KIAA1217: variants seen among roughly 807,000 people sequenced by gnomAD.
KIAA1217 encodes the protein sickle tail protein homolog.
A neutral mutation model predicts 163.9 loss-of-function variants in KIAA1217; 88 were observed. The ratio of observed to expected loss-of-function variants is 0.54; its 90% CI spans 0.45 to 0.64. KIAA1217 has a LOEUF of 0.64. KIAA1217 is among the 30% of genes least tolerant of loss of function. The probability of loss-of-function intolerance (pLI) is 0.00; values close to 1 mark genes in which losing one functional copy is unlikely to be tolerated. For missense variants in KIAA1217, 2,372 were observed against 2,475.0 expected (o/e 0.96, Z 0.88); for synonymous variants, 903 against 923.1 (o/e 0.98, Z 0.39).
chr10:24,259,405 G>T (rs748955337), intron 2 of KIAA1217, among the ~76,000 whole-genome samples: 3 of 152,048 alleles, frequency 2.0e-5, no homozygotes, highest in Non-Finnish European at 4.4e-5. Context: ...TTGCGGCCAG[G>T]AGTGCAAAAC....
At chr10:23,841,825 G>C (rs1006805539) in intron 1 of KIAA1217, among the ~76,000 whole-genome samples, 1 of 141,934 alleles carries the variant, frequency 7.0e-6, no homozygotes, top group Non-Finnish European at 1.5e-5. Flanking sequence ...ACACCATTGG[G>C]ACTTTATTTT....
In KIAA1217 at chr10:24,513,300, C is replaced by A. The variant is rs61735603; in HGVS notation, c.2043C>A (p.Ala681=). The A allele has an allele frequency of 5.0e-6, 8 of 1,613,956 alleles. No homozygotes were observed. In the Admixed American group the frequency reaches 1.3e-4, roughly 27 times the overall value. Residue 681 remains alanine (A), a synonymous_variant, in exon 10 of 21, where the codon GCC becomes GCA. Transcript: ENST00000376454. The part of the protein sequence containing the change: ...QELLRAMMKK[A]ELEISGKVME... Reference sequence around the variant, plus strand: ...TGCTGAGGGCAATGATGAAGAAGGCCGAGCTGGAAATCAGTGGCAAAGTGA... The same window carrying A: ...TGCTGAGGGCAATGATGAAGAAGGCAGAGCTGGAAATCAGTGGCAAAGTGA...
chr10:24,345,525 A>G (rs573201183), intron 2 of KIAA1217, among the ~76,000 whole-genome samples: 1 of 152,352 alleles, frequency 6.6e-6, no homozygotes, highest in South Asian at 2.1e-4. Context: ...GAATGAACCT[A>G]AGATCTTCAG....
chr10:24,128,617 T>C (rs569187633), intron 2 of KIAA1217, among the ~76,000 whole-genome samples: 2 of 152,312 alleles, frequency 1.3e-5, no homozygotes, highest in Admixed American at 1.3e-4. Context: ...CTTCCGGGCC[T>C]CTACATGTGC....
intron 2 of KIAA1217, among the ~76,000 whole-genome samples, chr10:24,032,841 T>C (rs1848243510): frequency 6.6e-6 from 1 of 152,166 alleles, no homozygotes. Flanking sequence ...TATTTTTACC[T>C]CAGGATTCTA....
At chr10:24,185,085 T>A (rs908461227) in intron 2 of KIAA1217, among the ~76,000 whole-genome samples, 1 of 152,194 alleles carries the variant, frequency 6.6e-6, no homozygotes, top group African/African-American at 2.4e-5. Flanking sequence ...AAGAAGAGAC[T>A]GCTCTTACTA....
At chr10:23,997,009 A>AG (rs1347154072) in intron 1 of KIAA1217, among the ~76,000 whole-genome samples, 3 of 152,252 alleles carry the variant, frequency 2.0e-5, no homozygotes, top group African/African-American at 7.2e-5. Flanking sequence ...GTTACTTCTT[A>AG]GAAGCCCAGG....
chr10:24,062,309 C>T (rs2060757543), intron 2 of KIAA1217, among the ~76,000 whole-genome samples: 1 of 113,598 alleles, frequency 8.8e-6, no homozygotes. Context: ...CCACAACCAT[C>T]CCCAGTGTGT....
At chr10:24,076,245 C>A (rs1024955195) in intron 2 of KIAA1217, among the ~76,000 whole-genome samples, 1 of 152,178 alleles carries the variant, frequency 6.6e-6, no homozygotes, top group African/African-American at 2.4e-5. Flanking sequence ...TGATACACAG[C>A]GTTTATGCCA....
At chr10:24,048,651 A>T (rs1849229954) in intron 2 of KIAA1217, among the ~76,000 whole-genome samples, 1 of 151,860 alleles carries the variant, frequency 6.6e-6, no homozygotes, top group East Asian at 1.9e-4. Context: ...AATTGTTTGA[A>T]TCTGGGAGGC....
chr10:23,950,124 A>C (rs1407480826), intron 1 of KIAA1217, among the ~76,000 whole-genome samples: 1 of 151,736 alleles, frequency 6.6e-6, no homozygotes, highest in Non-Finnish European at 1.5e-5. Flanking sequence ...ACCCTGAATG[A>C]CTCTACACCA....
chr10:24,219,609 A>C lies in KIAA1217; in HGVS notation c.71-17A>C, dbSNP rs765164869. ...TGTGAAATCATTAATTGTGAACCGAATTTTTTTGTCTTTCAGAACAAGGCA... is the reference window on the plus strand; with the variant it reads ...TGTGAAATCATTAATTGTGAACCGACTTTTTTTGTCTTTCAGAACAAGGCA... On this transcript the variant is annotated splice_polypyrimidine_tract_variant and intron_variant, in intron 1 of 20. Coordinates refer to ENST00000376454, the MANE Select transcript of KIAA1217 (RefSeq NM_019590.5). The C allele has an allele frequency of 2.6e-6, 4 of 1,557,274 alleles. No individual in the cohort carries two copies. The East Asian group carries it at 9.1e-5, about 35-fold the overall frequency.
At chr10:24,287,062 G>A (rs2078612155) in intron 2 of KIAA1217, among the ~76,000 whole-genome samples, 1 of 152,000 alleles carries the variant, frequency 6.6e-6, no homozygotes, top group South Asian at 2.1e-4. Flanking sequence ...GTTTTGTTTT[G>A]TTTTTGAGAT....
intron 2 of KIAA1217, among the ~76,000 whole-genome samples, chr10:24,062,899 G>A (rs2060786042): frequency 7.1e-6 from 1 of 140,760 alleles, no homozygotes; most frequent in South Asian, 2.1e-4. Context: ...GTGATGATGA[G>A]CATTTTTTCA....
At chr10:24,080,868 C>T (rs1451587467) in intron 2 of KIAA1217, among the ~76,000 whole-genome samples, 1 of 141,198 alleles carries the variant, frequency 7.1e-6, no homozygotes, top group East Asian at 1.9e-4. Flanking sequence ...TAACGTTTGT[C>T]AAAATTATTT....
intron 6 of KIAA1217, among the ~76,000 whole-genome samples, chr10:24,480,287 C>T (rs2064512716): frequency 6.6e-6 from 1 of 152,210 alleles, no homozygotes; most frequent in Non-Finnish European, 1.5e-5. Context: ...TAAATTGTGA[C>T]ATTCGTAAGG....
intron 1 of KIAA1217, among the ~76,000 whole-genome samples, chr10:23,871,225 A>G (rs1047647976): frequency 2.0e-5 from 3 of 152,164 alleles, no homozygotes; most frequent in Admixed American, 1.3e-4. Context: ...AGTTTTGCCA[A>G]GCTCTAGGCT....
intron 2 of KIAA1217, among the ~76,000 whole-genome samples, chr10:24,043,536 C>T (rs902075810): frequency 6.6e-6 from 1 of 152,012 alleles, no homozygotes; most frequent in Non-Finnish European, 1.5e-5. Flanking sequence ...CAATGACATG[C>T]TTGTATAAAA....
intron 2 of KIAA1217, among the ~76,000 whole-genome samples, chr10:24,195,854 C>A (rs1476875308): frequency 6.6e-5 from 10 of 152,128 alleles, no homozygotes. Context: ...ATTGGCTGGG[C>A]GCAGTGGCTC....
Sources: allele counts gnomAD v4.1 joint callset (sites outside exome capture counted in the v4.1 genomes callset), GRCh38; gene constraint gnomAD v4.1.1; transcripts MANE v1.5; gene names NCBI Gene and HGNC (gene_info 2026-07-23, HGNC 2026-07-21).